IFT20: variants seen among roughly 807,000 people sequenced by gnomAD.
IFT20 encodes the protein intraflagellar transport protein 20 homolog.
In IFT20, 4 loss-of-function variants were observed where a neutral mutation model predicts 16.9. That is an observed-to-expected ratio of 0.24 (90% confidence interval 0.12 to 0.54). IFT20 has a LOEUF of 0.54. Ranked by LOEUF, IFT20 falls within the 20% of genes least tolerant of loss-of-function variation. The pLI is 0.95. For synonymous variants in IFT20, 48 were observed against 49.9 expected, an observed-to-expected ratio of 0.96 and a Z score of 0.16; for missense variants, 154 against 149.7, an observed-to-expected ratio of 1.03 and a Z score of -0.15.
At chr17:28,333,459 A>C (rs1906925511) in intron 1 of IFT20, among the ~76,000 whole-genome samples, 1 of 152,220 alleles carries the variant, frequency 6.6e-6, no homozygotes, top group South Asian at 2.1e-4. Context: ...GTAATCCAAA[A>C]ATTTTAAGTA....
At chr17:28,329,052 CAAGT>C in intron 4 of IFT20, 117 bp downstream of exon 4, 1 of 714,778 alleles carries the variant, frequency 1.4e-6, no homozygotes, top group Non-Finnish European at 2.4e-6. Context: ...ATCAGGATGA[CAAGT>C]GAGATGCTAT....
chr17:28,329,510 A>G (rs1163017121), intron 3 of IFT20: 7 of 476,398 alleles, frequency 1.5e-5, no homozygotes, highest in Non-Finnish European at 2.2e-5. Flanking sequence ...CCAGGGACAC[A>G]GGCACAATAG....
intron 1 of IFT20, chr17:28,332,457 C>T (rs1906853817): frequency 4.9e-6 from 2 of 406,524 alleles, no homozygotes; most frequent in African/African-American, 4.1e-5. Context: ...AGTAAAGAGC[C>T]AGAGGAGGAC....
intron 2 of IFT20, 131 bp downstream of exon 2, chr17:28,331,728 G>A (rs1906795837): frequency 1.8e-6 from 2 of 1,127,196 alleles, no homozygotes; most frequent in Non-Finnish European, 2.6e-6. Context: ...GGTGGCACGT[G>A]GGAACTCACA....
chr17:28,331,768 C>A, intron 2 of IFT20, 91 bp downstream of exon 2: 2 of 1,517,924 alleles, frequency 1.3e-6, no homozygotes, highest in South Asian at 1.2e-5. Flanking sequence ...AGGGAGCCAG[C>A]AGCTCCACTG....
intron 2 of IFT20, 162 bp downstream of exon 2, chr17:28,331,697 A>G: frequency 1.2e-6 from 1 of 800,910 alleles, no homozygotes; most frequent in Non-Finnish European, 2.0e-6. Context: ...ACATGAGAGC[A>G]CAAGAGGGCA....
chr17:28,332,385 G>GCCGGCCCCGCGGCGGCAGCGC, intron 1 of IFT20: 1 of 566,678 alleles, frequency 1.8e-6, no homozygotes, highest in Non-Finnish European at 3.1e-6. Context: ...TAGTTCAGCT[G>GCCGGCCCCGCGGCGGCAGCGC]GAAGAAGACA....
chr17:28,335,006 C>T (rs979897794), intron 1 of IFT20, among the ~76,000 whole-genome samples: 1 of 152,178 alleles, frequency 6.6e-6, no homozygotes, highest in Non-Finnish European at 1.5e-5. Flanking sequence ...CTGAGCAACA[C>T]CTGGCCCAAG....
intron 1 of IFT20, 95 bp downstream of exon 1, chr17:28,335,245 C>G (rs1185884325): frequency 6.6e-5 from 10 of 152,250 alleles, no homozygotes; most frequent in African/African-American, 2.4e-4. Context: ...TCCCACGTCT[C>G]TCCCCGCCCG....
intron 1 of IFT20, among the ~76,000 whole-genome samples, chr17:28,334,210 A>G (rs1432119313): frequency 1.3e-5 from 2 of 152,250 alleles, no homozygotes; most frequent in Non-Finnish European, 2.9e-5. Flanking sequence ...GCAGGAGGAC[A>G]CAGTTCATGG....
chr17:28,331,206 G>A (rs990729786), intron 2 of IFT20, among the ~76,000 whole-genome samples: 1 of 152,196 alleles, frequency 6.6e-6, no homozygotes. Flanking sequence ...AATTTACTGA[G>A]GGGAAACTAA....
Position 28,332,281 on chromosome 17 carries a change from A to G in IFT20, c.-2-294T>C, listed in dbSNP as rs1906842744. On this transcript the variant is annotated intron_variant, in intron 1 of 4. Coordinates refer to ENST00000395418, the MANE Select transcript of IFT20 (RefSeq NM_001267776.2). ...GCTTGTCACAGGCATCGTTCATTCAACACACATTTCTTGAGTGCCTACTAC... is the reference window on the plus strand; with the variant it reads ...GCTTGTCACAGGCATCGTTCATTCAGCACACATTTCTTGAGTGCCTACTAC... 4.9e-6 allele frequency: 7 copies of G among 1,423,296 alleles called. No individual in the cohort carries two copies. In the South Asian group the frequency reaches 8.7e-5, roughly 18 times the overall value. 88.2% of individuals were successfully genotyped at this position (1,423,296 alleles called of 1,614,324 possible).
rs1230816773 is a variant in IFT20, at chr17:28,328,337, CAA to C, written c.*313_*314del. 1.6e-4 allele frequency: 41 copies of C among 258,578 alleles called. No homozygotes were observed. The East Asian group carries it at 3.3e-3, about 21-fold the overall frequency. The allele number at this position is 258,578 out of a possible 1,614,324, so 16.0% of individuals were successfully genotyped here. On this transcript the variant is annotated 3_prime_UTR_variant, in exon 5 of 5. Coordinates refer to ENST00000395418, the MANE Select transcript of IFT20 (RefSeq NM_001267776.2). ...AAAGGTACATCAAGCCATTTGAAAA[CAA>C]AAATTTATTGCTTCTCCTTCCAAAG...
chr17:28,328,785 G>T, intron 4 of IFT20, 52 bp from the exon 5 acceptor site: 3 of 1,038,484 alleles, frequency 2.9e-6, no homozygotes, highest in South Asian at 1.4e-5. Context: ...GTAAACCACA[G>T]ACCTAATTCT....
intron 2 of IFT20, among the ~76,000 whole-genome samples, chr17:28,330,773 T>A (rs531080015): frequency 6.6e-6 from 1 of 152,260 alleles, no homozygotes; most frequent in South Asian, 2.1e-4. Flanking sequence ...GCCACTGCAT[T>A]CCAGCCTGGG....
rs1431155861 is a variant in IFT20, at chr17:28,328,458, G to A, written c.*194C>T. The A allele has an allele frequency of 1.0e-5, 6 of 579,302 alleles. No individual in the cohort carries two copies. The highest frequency in any genetic ancestry group is 7.6e-5 in the African/African-American group (4 of 52,430). 35.9% of individuals were successfully genotyped at this position (579,302 alleles called of 1,614,324 possible). ...GAGAACGTACACTGCAGGGCCACCA[G>A]CAGCAGCTGTGCACTGATGTTAAAA... On this transcript the variant is annotated 3_prime_UTR_variant, in exon 5 of 5. Transcript: ENST00000395418.
At chr17:28,334,879 G>T (rs1907033128) in intron 1 of IFT20, among the ~76,000 whole-genome samples, 1 of 152,172 alleles carries the variant, frequency 6.6e-6, no homozygotes, top group South Asian at 2.1e-4. Context: ...AATCTGGCTT[G>T]GCCCACCTAT....
intron 3 of IFT20, 45 bp downstream of exon 3, chr17:28,330,398 T>G (rs1345277331): frequency 4.4e-6 from 6 of 1,354,058 alleles, no homozygotes; most frequent in Non-Finnish European, 6.4e-6. Context: ...GGTAGTGAAC[T>G]AGGGTCCCAG....
At chr17:28,334,828 T>G (rs1907028921) in intron 1 of IFT20, among the ~76,000 whole-genome samples, 1 of 151,760 alleles carries the variant, frequency 6.6e-6, no homozygotes, top group African/African-American at 2.4e-5. Context: ...AATGTGGGGG[T>G]TTGGGGATAA....
Sources: gnomAD v4.1 joint callset for allele counts (sites outside exome capture counted in the v4.1 genomes callset) on GRCh38, gnomAD v4.1.1 for gene constraint, MANE v1.5 for transcripts, NCBI Gene and HGNC (gene_info 2026-07-23, HGNC 2026-07-21) for gene names.